Variants in LRRC49 observed in about 807,000 individuals in gnomAD.
LRRC49 encodes the protein leucine-rich repeat-containing protein 49.
A neutral mutation model predicts 83.3 loss-of-function variants in LRRC49; 50 were observed. The observed-to-expected ratio is 0.60, with a 90% CI of 0.48 to 0.76. The LOEUF is 0.76. LRRC49 is among the 30% of genes least tolerant of loss of function. The pLI, the probability that LRRC49 is intolerant of heterozygous loss-of-function variation, is 0.00. For synonymous variants in LRRC49, 286 were observed against 283.3 expected, an observed-to-expected ratio of 1.01 and a Z score of -0.10; for missense variants, 704 against 809.1, an observed-to-expected ratio of 0.87 and a Z score of 1.58.
intron 14 of LRRC49, among the ~76,000 whole-genome samples, chr15:71,035,962 G>A (rs1269351837): frequency 5.3e-5 from 8 of 152,162 alleles, no homozygotes; most frequent in South Asian, 2.1e-4. Flanking sequence ...CCCACCAACA[G>A]TGTAAAAGAA....
chr15:71,028,009 C>G (rs1026008471), intron 14 of LRRC49, among the ~76,000 whole-genome samples: 6 of 152,274 alleles, frequency 3.9e-5, no homozygotes, highest in Admixed American at 3.9e-4. Flanking sequence ...GAGAGGGCAT[C>G]CTTGTCTCGT....
chr15:70,953,509 G>A (rs971590807), intron 8 of LRRC49, among the ~76,000 whole-genome samples: 1 of 152,154 alleles, frequency 6.6e-6, no homozygotes, highest in African/African-American at 2.4e-5. Context: ...TTGTTAACCT[G>A]ATAGGGTTCC....
At chr15:70,935,205 C>A (rs1464047546) in intron 7 of LRRC49, among the ~76,000 whole-genome samples, 1 of 152,158 alleles carries the variant, frequency 6.6e-6, no homozygotes, top group Non-Finnish European at 1.5e-5. Context: ...GAATAGGCTT[C>A]ATGGGAGTGG....
intron 2 of LRRC49, chr15:70,882,806 TA>T (rs776938799): frequency 4.7e-5 from 76 of 1,614,108 alleles, no homozygotes; most frequent in Non-Finnish European, 6.3e-5. Context: ...TGTGTACTTT[TA>T]TGCACTGGGC....
At chr15:70,897,962 C>T (rs893471264) in intron 3 of LRRC49, among the ~76,000 whole-genome samples, 1 of 152,114 alleles carries the variant, frequency 6.6e-6, no homozygotes, top group Non-Finnish European at 1.5e-5. Context: ...CAATACTTTG[C>T]TCTTAAGATA....
At position 71,050,231 on chromosome 15, in the gene LRRC49, C is replaced by T. The variant is rs927473919; in HGVS notation, c.*619C>T. On this transcript the variant is annotated 3_prime_UTR_variant, in exon 16 of 16. Coordinates refer to ENST00000260382, the MANE Select transcript of LRRC49 (RefSeq NM_017691.5). ...GAACCACAGGAGGTCCTGGGAATCA[C>T]TATGGGCAGAGAATATGCAAATGAG... The T allele has an allele frequency of 6.6e-6, 1 of 152,022 alleles. No individual in the cohort carries two copies. The highest frequency in any genetic ancestry group is 1.5e-5 in the Non-Finnish European group (1 of 68,056). The allele number at this position is 152,022 out of a possible 1,614,324, so 9.4% of individuals were successfully genotyped here.
Position 70,956,540 on chromosome 15 carries a change from A to T in LRRC49, c.774-7245A>T, listed in dbSNP as rs186067040. Among the ~76,000 whole-genome samples, 333 of 149,948 alleles carry T rather than the reference A, an allele frequency of 2.2e-3. 1 individual carries two copies. The highest frequency in any genetic ancestry group is 7.5e-3 in the African/African-American group (308 of 40,898). On this transcript the variant is annotated intron_variant, in intron 8 of 15. Coordinates refer to ENST00000260382, the MANE Select transcript of LRRC49 (RefSeq NM_017691.5). ...AAAGGTGGGGTGGCGAGAGAGAGAG[A>T]CTGTTTTTAAAAGCCAGTATTTCAC...
intron 8 of LRRC49, among the ~76,000 whole-genome samples, chr15:70,941,407 G>A (rs547140492): frequency 1.3e-5 from 2 of 151,454 alleles, no homozygotes; most frequent in Admixed American, 1.3e-4. Context: ...ATTCTAAAAT[G>A]TTATAGAATG....
At chr15:70,871,514 C>A (rs2033036472) in intron 1 of LRRC49, among the ~76,000 whole-genome samples, 1 of 152,158 alleles carries the variant, frequency 6.6e-6, no homozygotes, top group African/African-American at 2.4e-5. Flanking sequence ...CTCCTCACTT[C>A]CCAGACGGGG....
rs1218835682 is a variant in LRRC49, at chr15:71,053,105, G to GA, written c.*3494dup. 6.6e-6 allele frequency: 1 copy of GA among 152,184 alleles called. No individual in the cohort carries two copies. The highest frequency in any genetic ancestry group is 2.4e-5 in the African/African-American group (1 of 41,430). The allele number at this position is 152,184 out of a possible 1,614,324, so 9.4% of individuals were successfully genotyped here. A position where few individuals can be genotyped will look rare whatever the true frequency, so the allele number is the denominator to read the frequency against. ...ATAATGTGTAGAGAATCAACTTCAG[G>GA]AGGGGGCAATAATTAAATTAGGGGG... On this transcript the variant is annotated 3_prime_UTR_variant, in exon 16 of 16. Coordinates refer to ENST00000260382, the MANE Select transcript of LRRC49 (RefSeq NM_017691.5).
chr15:70,957,042 G>A (rs2036426319), intron 8 of LRRC49, among the ~76,000 whole-genome samples: 1 of 152,038 alleles, frequency 6.6e-6, no homozygotes, highest in East Asian at 1.9e-4. Context: ...TGTATACTGG[G>A]CATACTGTTT....
chr15:70,995,622 G>C (rs955169373), intron 11 of LRRC49, among the ~76,000 whole-genome samples: 1 of 152,190 alleles, frequency 6.6e-6, no homozygotes, highest in Non-Finnish European at 1.5e-5. Flanking sequence ...GTGAATGCAG[G>C]AGTATCTTTT....
At chr15:70,906,639 A>G (rs139583669) in intron 5 of LRRC49, among the ~76,000 whole-genome samples, 120 of 152,262 alleles carry the variant, frequency 7.9e-4, no homozygotes, top group African/African-American at 2.8e-3. Flanking sequence ...GCTTCTTAGA[A>G]TTTACTCATT....
chr15:71,006,625 T>G (rs2038468014), intron 11 of LRRC49, among the ~76,000 whole-genome samples: 1 of 152,102 alleles, frequency 6.6e-6, no homozygotes, highest in African/African-American at 2.4e-5. Flanking sequence ...CCAAGAAATA[T>G]GTATTGAGCA....
chr15:70,860,049 G>A (rs557713968), intron 1 of LRRC49: 2 of 738,500 alleles, frequency 2.7e-6, no homozygotes, highest in East Asian at 5.0e-5. Flanking sequence ...TTTGGCTCTG[G>A]CGCAGGCTCC....
chr15:70,920,150 T>G (rs932489399), intron 7 of LRRC49, among the ~76,000 whole-genome samples: 7 of 152,188 alleles, frequency 4.6e-5, no homozygotes, highest in Non-Finnish European at 7.3e-5. Flanking sequence ...AAAGACACAA[T>G]ATAACTCTTA....
At chr15:70,853,831 T>A (rs531031621) in intron 1 of LRRC49, 20 of 1,174,854 alleles carry the variant, frequency 1.7e-5, no homozygotes, top group Admixed American at 4.4e-5. Flanking sequence ...CGCCCCGAAC[T>A]CGCGCGCGGC....
chr15:71,045,141 A>G (rs1333329186), intron 15 of LRRC49, among the ~76,000 whole-genome samples: 1 of 152,034 alleles, frequency 6.6e-6, no homozygotes, highest in Non-Finnish European at 1.5e-5. Context: ...TGATCTGCCC[A>G]CCTCAGCCTC....
chr15:70,971,835 G>T (rs921249709), intron 9 of LRRC49, among the ~76,000 whole-genome samples: 1 of 112,828 alleles, frequency 8.9e-6, no homozygotes. Context: ...CATTTCCTTG[G>T]TAAATCTTCC....
Sources: gnomAD v4.1 joint callset for allele counts (sites outside exome capture counted in the v4.1 genomes callset) on GRCh38, gnomAD v4.1.1 for gene constraint, MANE v1.5 for transcripts, NCBI Gene and HGNC (gene_info 2026-07-23, HGNC 2026-07-21) for gene names.